Variants in NTSR1 observed in about 807,000 individuals in gnomAD.
NTSR1 encodes the protein neurotensin receptor 1, also known as neurotensin receptor type 1.
A neutral mutation model predicts 31.2 loss-of-function variants in NTSR1; 29 were observed. The ratio of observed to expected loss-of-function variants is 0.93; its 90% confidence interval spans 0.69 to 1.27. The LOEUF (loss-of-function observed/expected upper bound fraction) is 1.27, where lower values mean the gene tolerates loss of function less well. NTSR1 is among the 50% of genes most tolerant of loss of function. The pLI, the probability that NTSR1 is intolerant of heterozygous loss-of-function variation, is 0.00. For missense variants in NTSR1, 697 were observed against 595.4 expected (o/e 1.17, Z -1.78); for synonymous variants, 282 against 269.9 (o/e 1.04, Z -0.44).
At chr20:62,749,032 G>A (rs1274538502) in intron 1 of NTSR1, among the ~76,000 whole-genome samples, 1 of 152,096 alleles carries the variant, frequency 6.6e-6, no homozygotes, top group Non-Finnish European at 1.5e-5. Flanking sequence ...CCCAGTTTCA[G>A]GTCTTCTGTC....
At position 62,758,274 on chromosome 20, in the gene NTSR1, G is replaced by A; in HGVS notation, c.925G>A (p.Val309Ile). The change falls in exon 3 of 4, where the codon GTC becomes ATC. Residue 309 changes from valine (V) to isoleucine (I), a missense_variant. By Grantham distance (29) the Val-to-Ile change is conservative. Coordinates refer to ENST00000370501, the MANE Select transcript of NTSR1 (RefSeq NM_002531.3). The surrounding 1 kb of genome is among the most constrained non-coding windows in gnomAD (Gnocchi z 4.5). ...RHGVRVLRAV[V>I]IAFVVCWLPY... ...ACGTCTCTGTGCCTCAGGTGCAGTG[G>A]TCATCGCCTTTGTGGTCTGCTGGCT... The A allele has an allele frequency of 6.2e-7, 1 of 1,613,462 alleles. No homozygotes were observed. Among genetic ancestry groups the A allele is most frequent in the Non-Finnish European group, 8.5e-7 (1 of 1,179,934 alleles).
intron 3 of NTSR1, among the ~76,000 whole-genome samples, chr20:62,759,751 G>C (rs886698867): frequency 6.8e-6 from 1 of 147,182 alleles, no homozygotes; most frequent in Non-Finnish European, 1.5e-5. Context: ...CTCCAGCCTG[G>C]GAGACAGAGC....
intron 1 of NTSR1, among the ~76,000 whole-genome samples, chr20:62,728,773 C>A (rs750384371): frequency 6.6e-6 from 1 of 152,298 alleles, no homozygotes; most frequent in Non-Finnish European, 1.5e-5. Context: ...GCCAGAGGCA[C>A]GTCCACCAGG....
chr20:62,726,240 A>G (rs1438727825), intron 1 of NTSR1, among the ~76,000 whole-genome samples: 1 of 152,198 alleles, frequency 6.6e-6, no homozygotes, highest in Middle Eastern at 3.2e-3. Flanking sequence ...AACCCAGTTA[A>G]AACCCAAGCA....
At position 62,716,516 on chromosome 20, in the gene NTSR1, C is replaced by T. The variant is rs62196922; in HGVS notation, c.714+6595C>T. ...GCTCGTGGTTTCAGCGCGTTAGTCC[C>T]GCCTCCGTGAGTCTGTGTTGGTTGT... On this transcript the variant is annotated intron_variant, in intron 1 of 3. Coordinates refer to ENST00000370501, the MANE Select transcript of NTSR1 (RefSeq NM_002531.3). Among the ~76,000 whole-genome samples the T allele has an allele frequency of 3.0e-3, 147 of 48,822 alleles. 22 individuals are homozygous for T. The highest frequency in any genetic ancestry group is 6.1e-3 in the Non-Finnish European group (113 of 18,640). The allele number at this position is 48,822 out of a possible 152,430, so 32.0% of individuals were successfully genotyped here. A position where few individuals can be genotyped will look rare whatever the true frequency, so the allele number is the denominator to read the frequency against.
chr20:62,727,292 C>T lies in NTSR1; in HGVS notation c.714+17371C>T, dbSNP rs542056268. 7.9e-5 allele frequency among the ~76,000 whole-genome samples: 12 copies of T among 152,316 alleles called. No homozygotes were observed. The East Asian group carries it at 2.3e-3, about 29-fold the overall frequency. Reference sequence around the variant, plus strand: ...CTCTCCGGCTCACAGGGCCTGAGGACAGGGTTTCCTCTCCACCCTCAGGGA... The same window carrying T: ...CTCTCCGGCTCACAGGGCCTGAGGATAGGGTTTCCTCTCCACCCTCAGGGA... On this transcript the variant is annotated intron_variant, in intron 1 of 3. Coordinates refer to ENST00000370501, the MANE Select transcript of NTSR1 (RefSeq NM_002531.3).
At chr20:62,729,462 G>A (rs950274608) in intron 1 of NTSR1, among the ~76,000 whole-genome samples, 4 of 152,134 alleles carry the variant, frequency 2.6e-5, no homozygotes, top group African/African-American at 9.7e-5. Flanking sequence ...GGCCCTCAGG[G>A]GAGGAGAGGG....
chr20:62,737,836 G>T (rs1311761717), intron 1 of NTSR1, among the ~76,000 whole-genome samples: 1 of 151,388 alleles, frequency 6.6e-6, no homozygotes, highest in African/African-American at 2.4e-5. Flanking sequence ...CAGGATTGAT[G>T]ACCTGACCCC....
intron 1 of NTSR1, among the ~76,000 whole-genome samples, chr20:62,719,477 C>T (rs1386515435): frequency 6.6e-6 from 1 of 151,940 alleles, no homozygotes; most frequent in African/African-American, 2.4e-5. Context: ...CGATCATCCC[C>T]ACCCTCCCTC....
At chr20:62,740,101 A>G (rs1308782031) in intron 1 of NTSR1, among the ~76,000 whole-genome samples, 1 of 152,204 alleles carries the variant, frequency 6.6e-6, no homozygotes, top group Admixed American at 6.5e-5. Flanking sequence ...CTTTTCCTGC[A>G]TGGAGCAGAG....
rs1285925254 is a variant in NTSR1, at chr20:62,709,389, A to C, written c.182A>C (p.Tyr61Ser). 6.2e-7 allele frequency: 1 copy of C among 1,608,964 alleles called. No individual in the cohort carries two copies. Among genetic ancestry groups the C allele is most frequent in the East Asian group, 2.2e-5 (1 of 44,748 alleles). The stretch of plus-strand genomic sequence containing the variant: ...GAGCTGGACGTGAACACCGACATCT[A>C]CTCCAAGGTGCTGGTGACCGCCGTG... ...SSELDVNTDI[Y>S]SKVLVTAVYL... The change falls in exon 1 of 4, where the codon TAC (tyrosine) becomes TCC (serine). Residue 61 changes from tyrosine (Y) to serine (S), a missense_variant. Transcript: ENST00000370501.
rs752228482 is a variant in NTSR1 at position 62,743,817 on chromosome 20, G to T, written c.715-10868G>T. Among the ~76,000 whole-genome samples the T allele has an allele frequency of 6.6e-6, 1 of 152,308 alleles. No individual in the cohort carries two copies. The highest frequency in any genetic ancestry group is 1.9e-4 in the East Asian group (1 of 5,182). ...TGCTCTCGAAGAGCGAGGTGAGAACGCCCTGCCTGAGGTCGAGGGGCTGAG... is the reference window on the plus strand; with the variant it reads ...TGCTCTCGAAGAGCGAGGTGAGAACTCCCTGCCTGAGGTCGAGGGGCTGAG... On this transcript the variant is annotated intron_variant, in intron 1 of 3. Transcript: ENST00000370501. This position sits in a 1 kb window ranked among gnomAD's most constrained non-coding sequence, Gnocchi z 7.5.
chr20:62,761,922 T>G lies in NTSR1; in HGVS notation c.*1655T>G, dbSNP rs1989631647. ...TATTCGCTGCACTTCCTGCCAAACTTTGCCCCCACAAGCCTGGTCATCAGC... is the reference window on the plus strand; with the variant it reads ...TATTCGCTGCACTTCCTGCCAAACTGTGCCCCCACAAGCCTGGTCATCAGC... On this transcript the variant is annotated 3_prime_UTR_variant, in exon 4 of 4. Transcript: ENST00000370501. The G allele has an allele frequency of 6.6e-6, 1 of 151,880 alleles. No individual in the cohort carries two copies. Among genetic ancestry groups the G allele is most frequent in the South Asian group, 2.1e-4 (1 of 4,806 alleles). 9.4% of individuals were successfully genotyped at this position (151,880 alleles called of 1,614,324 possible). A position where few individuals can be genotyped will look rare whatever the true frequency, so the allele number is the denominator to read the frequency against.
In NTSR1 at chr20:62,761,856, C is replaced by G. The variant is rs1045876233; in HGVS notation, c.*1589C>G. 1 of 152,222 alleles carries G rather than the reference C, an allele frequency of 6.6e-6. No homozygotes were observed. The highest frequency in any genetic ancestry group is 1.5e-5 in the Non-Finnish European group (1 of 68,064). The allele number at this position is 152,222 out of a possible 1,614,324, so 9.4% of individuals were successfully genotyped here. On this transcript the variant is annotated 3_prime_UTR_variant, in exon 4 of 4. Coordinates refer to ENST00000370501, the MANE Select transcript of NTSR1 (RefSeq NM_002531.3). The stretch of plus-strand genomic sequence containing the variant: ...ACAAAATCCCTCTCCAACCACAGGA[C>G]CCTTCGGCTCACCAAGAACAGGGCC...
chr20:62,722,168 C>T (rs183638566), intron 1 of NTSR1, among the ~76,000 whole-genome samples: 28 of 152,282 alleles, frequency 1.8e-4, no homozygotes, highest in Admixed American at 1.5e-3. Context: ...GTGGCAGACT[C>T]GTCATCTTGA....
intron 1 of NTSR1, among the ~76,000 whole-genome samples, chr20:62,727,981 GAGGCCTCAGGGC>G (rs919930880): frequency 2.0e-5 from 3 of 152,374 alleles, no homozygotes; most frequent in East Asian, 3.9e-4. Context: ...GGGACCCAGC[GAGGCCTCAGGGC>G]TGCCCCAGGC....
rs1006935342 is a variant in NTSR1 at position 62,743,304 on chromosome 20, G to A, written c.715-11381G>A. 1.4e-5 allele frequency among the ~76,000 whole-genome samples: 2 copies of A among 145,602 alleles called. No homozygotes were observed. The highest frequency in any genetic ancestry group is 2.9e-5 in the Non-Finnish European group (2 of 67,888). On this transcript the variant is annotated intron_variant, in intron 1 of 3. Transcript: ENST00000370501. This position sits in a 1 kb window ranked among gnomAD's most constrained non-coding sequence, Gnocchi z 7.5. ...GGGTTTCGAACAAGCCTGTGCTGAC[G>A]GCCCTGGCACACAGGGTTTCTGAAT... is the stretch of plus-strand genomic sequence containing the variant.
intron 1 of NTSR1, among the ~76,000 whole-genome samples, chr20:62,749,366 A>G (rs1011285351): frequency 2.0e-5 from 3 of 151,656 alleles, no homozygotes; most frequent in Admixed American, 6.5e-5. Context: ...ATCTCACACC[A>G]TGCAAAAAAA....
intron 2 of NTSR1, among the ~76,000 whole-genome samples, chr20:62,757,292 C>T (rs1989528225): frequency 6.6e-6 from 1 of 152,152 alleles, no homozygotes; most frequent in South Asian, 2.1e-4. Context: ...AAGTGGATGT[C>T]CCGTTTTCCT....
Sources: gnomAD v4.1 joint callset for allele counts (sites outside exome capture counted in the v4.1 genomes callset) on GRCh38, gnomAD v4.1.1 for gene constraint, Gnocchi (gnomAD v3.1) non-coding constraint, MANE v1.5 for transcripts, NCBI Gene and HGNC (gene_info 2026-07-23, HGNC 2026-07-21) for gene names.